Variants in SLC8A1 observed in about 807,000 individuals in gnomAD.
SLC8A1 encodes the protein sodium/calcium exchanger 1.
In SLC8A1, 18 loss-of-function variants were observed where a neutral mutation model predicts 68.3. That is an observed-to-expected ratio of 0.26 (90% confidence interval 0.18 to 0.39). The LOEUF (loss-of-function observed/expected upper bound fraction) is 0.39. Ranked by LOEUF, SLC8A1 falls within the 10% of genes least tolerant of loss-of-function variation. The pLI, the probability that SLC8A1 is intolerant of heterozygous loss-of-function variation, is 1.00. For synonymous variants in SLC8A1, 475 were observed against 415.5 expected (o/e 1.14, Z -1.74); for missense variants, 985 against 1,156.7 (o/e 0.85, Z 2.15).
chr2:40,251,704 C>CTGGGAGAGAGGGTCAACA (rs1233306916), intron 2 of SLC8A1: 2 of 152,192 alleles, frequency 1.3e-5, no homozygotes, highest in African/African-American at 4.8e-5. Context: ...TGACTGGAAG[C>CTGGGAGAGAGGGTCAACA]TGGGAGAGAG....
intron 6 of SLC8A1, among the ~76,000 whole-genome samples, chr2:40,154,488 T>C (rs1322480918): frequency 1.5e-4 from 21 of 138,990 alleles, no homozygotes; most frequent in Middle Eastern, 3.7e-3. Flanking sequence ...TCTTTTCTTT[T>C]TTTTTTTTTT....
At chr2:40,149,396 A>G (rs1019616540) in intron 6 of SLC8A1, among the ~76,000 whole-genome samples, 7 of 152,208 alleles carry the variant, frequency 4.6e-5, no homozygotes, top group African/African-American at 1.7e-4. Context: ...ATAATTTCAG[A>G]TACTGATATG....
At chr2:40,311,896 G>T (rs954599293) in intron 2 of SLC8A1, among the ~76,000 whole-genome samples, 11 of 152,094 alleles carry the variant, frequency 7.2e-5, no homozygotes, top group Admixed American at 2.0e-4. Flanking sequence ...CACAAACTCA[G>T]AAAATAGTTC....
intron 1 of SLC8A1, among the ~76,000 whole-genome samples, chr2:40,433,422 G>A (rs1338951536): frequency 7.9e-5 from 12 of 152,076 alleles, no homozygotes; most frequent in Non-Finnish European, 1.5e-5. Flanking sequence ...AATTTCCTGA[G>A]AGAATACTAG....
intron 4 of SLC8A1, among the ~76,000 whole-genome samples, chr2:40,166,381 T>G (rs1037047613): frequency 2.0e-4 from 31 of 152,204 alleles, no homozygotes; most frequent in African/African-American, 7.5e-4. Context: ...GATTAATTCT[T>G]TAGTATACAT....
intron 2 of SLC8A1, among the ~76,000 whole-genome samples, chr2:40,280,867 G>T (rs1304328614): frequency 1.3e-5 from 2 of 152,160 alleles, no homozygotes; most frequent in Non-Finnish European, 2.9e-5. Context: ...GCAGAGGTGG[G>T]TAAAACATGA....
intron 2 of SLC8A1, among the ~76,000 whole-genome samples, chr2:40,366,848 A>G (rs770269009): frequency 3.3e-5 from 5 of 151,984 alleles, no homozygotes; most frequent in Non-Finnish European, 5.9e-5. Context: ...GCCATCGCCA[A>G]GAAATTTAAA....
chr2:40,266,160 A>G (rs2065332439), intron 2 of SLC8A1, among the ~76,000 whole-genome samples: 1 of 152,186 alleles, frequency 6.6e-6, no homozygotes, highest in African/African-American at 2.4e-5. Flanking sequence ...ATATGTGTGC[A>G]TTTTTAAAAA....
chr2:40,299,670 A>G (rs146506920), intron 2 of SLC8A1, among the ~76,000 whole-genome samples: 1 of 152,132 alleles, frequency 6.6e-6, no homozygotes, highest in South Asian at 2.1e-4. Context: ...CCCACCTTCA[A>G]TGCCATTGCT....
intron 1 of SLC8A1, among the ~76,000 whole-genome samples, chr2:40,450,247 G>T (rs148847056): frequency 6.6e-6 from 1 of 152,076 alleles, no homozygotes; most frequent in East Asian, 1.9e-4. Context: ...CCCTCTTCCG[G>T]CTTTGTCTTC....
At chr2:40,326,471 G>A (rs929625161) in intron 2 of SLC8A1, among the ~76,000 whole-genome samples, 2 of 152,050 alleles carry the variant, frequency 1.3e-5, no homozygotes, top group Non-Finnish European at 1.5e-5. Flanking sequence ...GTGAAGAAAG[G>A]GAACATCAGA....
intron 2 of SLC8A1, among the ~76,000 whole-genome samples, chr2:40,351,261 A>C (rs1670992374): frequency 6.6e-6 from 1 of 152,294 alleles, no homozygotes; most frequent in Admixed American, 6.5e-5. Flanking sequence ...TGAATAAATG[A>C]ACAAATACTA....
At chr2:40,313,142 T>C (rs1336863340) in intron 2 of SLC8A1, among the ~76,000 whole-genome samples, 1 of 152,102 alleles carries the variant, frequency 6.6e-6, no homozygotes, top group Non-Finnish European at 1.5e-5. Flanking sequence ...CACTGTGGAT[T>C]AGTATGAATC....
chr2:40,372,057 A>C (rs1227591163), intron 2 of SLC8A1, among the ~76,000 whole-genome samples: 1 of 152,162 alleles, frequency 6.6e-6, no homozygotes, highest in Non-Finnish European at 1.5e-5. Context: ...CAAGGATTTG[A>C]AAAGAAGAAA....
At chr2:40,467,761 T>G (rs1276146704) in intron 1 of SLC8A1, among the ~76,000 whole-genome samples, 1 of 152,202 alleles carries the variant, frequency 6.6e-6, no homozygotes, top group East Asian at 1.9e-4. Context: ...GTAACACTTT[T>G]GCATTCACTA....
intron 2 of SLC8A1, among the ~76,000 whole-genome samples, chr2:40,252,704 A>C: frequency 6.7e-6 from 1 of 148,852 alleles, no homozygotes; most frequent in Middle Eastern, 3.4e-3. Context: ...CTTGCTTAGA[A>C]GGGGGATAAA....
intron 2 of SLC8A1, 69 bp downstream of exon 3, chr2:40,178,318 G>A (rs112013977): frequency 8.1e-6 from 9 of 1,117,992 alleles, no homozygotes; most frequent in African/African-American, 6.1e-5. Context: ...GTTCTGAAGA[G>A]TGCAGGCATC....
intron 1 of SLC8A1, among the ~76,000 whole-genome samples, chr2:40,503,326 G>T (rs1162216604): frequency 6.6e-6 from 1 of 151,896 alleles, no homozygotes; most frequent in African/African-American, 2.4e-5. Context: ...GCTTTGCAAC[G>T]GCCTGTTTTT....
At chr2:40,150,179 C>A (rs555596338) in intron 6 of SLC8A1, among the ~76,000 whole-genome samples, 1 of 151,996 alleles carries the variant, frequency 6.6e-6, no homozygotes, top group East Asian at 1.9e-4. Flanking sequence ...CCTGACCAGG[C>A]AAAGGCAAGG....
Sources: gnomAD v4.1 joint callset for allele counts (sites outside exome capture counted in the v4.1 genomes callset) on GRCh38, gnomAD v4.1.1 for gene constraint, MANE v1.5 for transcripts, NCBI Gene and HGNC (gene_info 2026-07-23, HGNC 2026-07-21) for gene names.